Variants in SLC25A21 observed in about 807,000 individuals in gnomAD.
SLC25A21 encodes the protein solute carrier family 25 member 21, also known as mitochondrial 2-oxodicarboxylate carrier.
Under a neutral mutation model 43.8 loss-of-function variants are expected in SLC25A21, and 47 were observed. That is an observed-to-expected ratio of 1.07 (90% CI 0.85 to 1.37). The LOEUF (loss-of-function observed/expected upper bound fraction) is 1.37, where lower values mean the gene tolerates loss of function less well. SLC25A21 is among the 40% of genes most tolerant of loss of function. The pLI is 0.00. For missense variants in SLC25A21, 352 were observed against 350.2 expected, an observed-to-expected ratio of 1.00 and a Z score of -0.04; for synonymous variants, 131 against 121.3, an observed-to-expected ratio of 1.08 and a Z score of -0.52.
chr14:37,160,234 G>T (rs1471163620), intron 1 of SLC25A21, among the ~76,000 whole-genome samples: 1 of 152,192 alleles, frequency 6.6e-6, no homozygotes, highest in Non-Finnish European at 1.5e-5. Flanking sequence ...CAAAGGAAAT[G>T]AAATCCACAT....
At chr14:36,846,528 C>A (rs1889549475) in intron 2 of SLC25A21, among the ~76,000 whole-genome samples, 1 of 151,984 alleles carries the variant, frequency 6.6e-6, no homozygotes, top group African/African-American at 2.4e-5. Context: ...ATTACAGGTG[C>A]CTGCCACCAC....
At chr14:36,696,996 G>A (rs1037516145) in intron 7 of SLC25A21, among the ~76,000 whole-genome samples, 1 of 152,126 alleles carries the variant, frequency 6.6e-6, no homozygotes, top group African/African-American at 2.4e-5. Context: ...TTTTAATTGT[G>A]ATGTTAGGGT....
chr14:36,820,126 A>C (rs1327882804), intron 2 of SLC25A21, among the ~76,000 whole-genome samples: 1 of 152,134 alleles, frequency 6.6e-6, no homozygotes, highest in Non-Finnish European at 1.5e-5. Context: ...CCAATCCCTA[A>C]GCAAACCAGT....
chr14:36,887,055 A>G (rs1890937377), intron 1 of SLC25A21, among the ~76,000 whole-genome samples: 2 of 152,218 alleles, frequency 1.3e-5, no homozygotes, highest in Non-Finnish European at 1.5e-5. Context: ...AATGTCTTTA[A>G]AGAGAAGGAA....
chr14:36,686,146 A>G (rs1352842948), intron 7 of SLC25A21, among the ~76,000 whole-genome samples: 2 of 152,200 alleles, frequency 1.3e-5, no homozygotes, highest in South Asian at 4.1e-4. Flanking sequence ...GAAATTTTCA[A>G]CTGAACCAAG....
At chr14:36,881,256 C>A (rs145190804) in intron 1 of SLC25A21, among the ~76,000 whole-genome samples, 1,540 of 152,248 alleles carry the variant, frequency 0.01, 81 homozygotes, top group Admixed American at 0.094. Flanking sequence ...AATGTTACAT[C>A]ATCTGTGGCC....
At chr14:36,711,700 A>T (rs1260731693) in intron 6 of SLC25A21, among the ~76,000 whole-genome samples, 2 of 152,242 alleles carry the variant, frequency 1.3e-5, no homozygotes, top group Non-Finnish European at 2.9e-5. Flanking sequence ...GATTGTTGGC[A>T]AAGAACAAAC....
intron 1 of SLC25A21, among the ~76,000 whole-genome samples, chr14:37,100,968 C>A (rs1962806026): frequency 1.3e-5 from 2 of 152,262 alleles, no homozygotes; most frequent in South Asian, 4.2e-4. Flanking sequence ...TCTCACCCAG[C>A]CCATTTGCTT....
intron 2 of SLC25A21, among the ~76,000 whole-genome samples, chr14:36,849,471 C>T (rs572508934): frequency 6.6e-6 from 1 of 152,250 alleles, no homozygotes; most frequent in South Asian, 2.1e-4. Flanking sequence ...CACTACTAGT[C>T]TGAGAAAAAT....
chr14:36,899,239 C>T (rs1312784898), intron 1 of SLC25A21, among the ~76,000 whole-genome samples: 1 of 150,834 alleles, frequency 6.6e-6, no homozygotes, highest in Non-Finnish European at 1.5e-5. Context: ...GAGAAAAAAA[C>T]TAAAATTGAG....
intron 2 of SLC25A21, chr14:36,828,652 T>C (rs1177776171): frequency 1.3e-5 from 2 of 152,222 alleles, no homozygotes; most frequent in Non-Finnish European, 2.9e-5. Context: ...TTTGTTACTG[T>C]ATTGGGTGTG....
intron 3 of SLC25A21, among the ~76,000 whole-genome samples, chr14:36,763,139 C>T (rs1010109024): frequency 6.6e-6 from 1 of 152,110 alleles, no homozygotes; most frequent in African/African-American, 2.4e-5. Flanking sequence ...AACATGCTAA[C>T]TAAATTATAT....
intron 2 of SLC25A21, among the ~76,000 whole-genome samples, chr14:36,870,226 T>A (rs698296): frequency 0.81 from 123,228 of 152,158 alleles, 51,410 homozygotes; most frequent in Non-Finnish European, 0.92. Flanking sequence ...AAATTAAGAA[T>A]GAGTGATGTA....
Position 37,047,355 on chromosome 14 carries a change from A to G in SLC25A21, c.70+124926T>C, listed in dbSNP as rs147572986. On this transcript the variant is annotated intron_variant, in intron 1 of 9. Transcript: ENST00000331299. ...AAATGTACATTTTGTACACTAACAC[A>G]GGATAACAGATATGAATCAACTGCT... Among the ~76,000 whole-genome samples the G allele has an allele frequency of 2.8e-4, 43 of 152,356 alleles. 3 individuals carry two copies. In the East Asian group the frequency reaches 8.1e-3, roughly 29 times the overall value.
chr14:36,695,701 G>A (rs1412213615), intron 7 of SLC25A21, among the ~76,000 whole-genome samples: 2 of 151,998 alleles, frequency 1.3e-5, no homozygotes, highest in African/African-American at 4.8e-5. Context: ...CTCATGATTT[G>A]GCTCTCTGTC....
At chr14:37,081,383 T>A (rs1431501735) in intron 1 of SLC25A21, among the ~76,000 whole-genome samples, 1 of 152,086 alleles carries the variant, frequency 6.6e-6, no homozygotes, top group African/African-American at 2.4e-5. Context: ...CAAAGGTGAG[T>A]CTCAAGACAT....
intron 3 of SLC25A21, among the ~76,000 whole-genome samples, chr14:36,745,024 A>G (rs1286469197): frequency 7.5e-6 from 1 of 134,080 alleles, no homozygotes; most frequent in African/African-American, 2.9e-5. Context: ...CCACCCTCCA[A>G]CATGTTCCCC....
chr14:37,019,448 A>G (rs923891530), intron 1 of SLC25A21, among the ~76,000 whole-genome samples: 1 of 151,868 alleles, frequency 6.6e-6, no homozygotes, highest in African/African-American at 2.4e-5. Context: ...CAAGTGAAAT[A>G]GTTTACTTGT....
intron 7 of SLC25A21, among the ~76,000 whole-genome samples, chr14:36,704,016 C>T (rs1271608031): frequency 6.6e-6 from 1 of 152,162 alleles, no homozygotes; most frequent in Non-Finnish European, 1.5e-5. Context: ...TGAATGCCTC[C>T]ATTAAGTGAA....
Sources: allele counts gnomAD v4.1 joint callset (sites outside exome capture counted in the v4.1 genomes callset), GRCh38; gene constraint gnomAD v4.1.1; transcripts MANE v1.5; gene names NCBI Gene and HGNC (gene_info 2026-07-23, HGNC 2026-07-21).